The following STAT5B variants were observed in gnomAD, a reference collection of about 807,000 sequenced individuals.
The protein encoded by STAT5B is signal transducer and activator of transcription 5B, also known as transcription factor STAT5B.
A neutral mutation model predicts 107.8 loss-of-function variants in STAT5B; 21 were observed. The observed-to-expected ratio is 0.19, with a 90% CI of 0.14 to 0.28. The LOEUF (loss-of-function observed/expected upper bound fraction) is 0.28, where lower values mean the gene tolerates loss of function less well. Among genes scored for constraint, STAT5B ranks in the 10% least tolerant of loss-of-function variants. The pLI, the probability that STAT5B is intolerant of heterozygous loss-of-function variation, is 1.00. For synonymous variants in STAT5B, 325 were observed against 401.7 expected, an observed-to-expected ratio of 0.81 and a Z score of 2.28; for missense variants, 565 against 1,008.2, an observed-to-expected ratio of 0.56 and a Z score of 5.95.
At chr17:42,244,161 C>T (rs1230282118) in intron 1 of STAT5B, among the ~76,000 whole-genome samples, 2 of 150,990 alleles carry the variant, frequency 1.3e-5, no homozygotes, top group Non-Finnish European at 2.9e-5. Context: ...AATCACTGCT[C>T]ACTGCAGTCT....
At chr17:42,278,684 T>C (rs192246671), upstream of STAT5B, among the ~76,000 whole-genome samples, 130 of 152,108 alleles carry the variant, frequency 8.5e-4, 1 homozygote, top group African/African-American at 2.8e-3. Context: ...GATTAATTTT[T>C]TAAAATTATT....
At chr17:42,244,097 T>C (rs1437151497) in intron 1 of STAT5B, among the ~76,000 whole-genome samples, 4 of 151,404 alleles carry the variant, frequency 2.6e-5, no homozygotes. Context: ...CTTTTCTTTT[T>C]TTTTTTTTGA....
chr17:42,273,813 TACAG>T (rs1444968780), intron 1 of STAT5B, among the ~76,000 whole-genome samples: 2 of 152,074 alleles, frequency 1.3e-5, no homozygotes, highest in African/African-American at 4.8e-5. Flanking sequence ...TAACAAAAAT[TACAG>T]ACAATTTGAA....
rs557249116 is a variant in STAT5B, at chr17:42,251,947, C to T, written c.-10-19810G>A. Among the ~76,000 whole-genome samples the T allele has an allele frequency of 8.6e-4, 127 of 147,286 alleles. 3 individuals are homozygous for T. In the South Asian group the frequency reaches 0.022, roughly 26 times the overall value. ...CCAGGAGGTGGAGGTTGCAGTGAGC[C>T]GAGATCGTGCCACTGCATTCCAGCC... On this transcript the variant is annotated intron_variant, in intron 1 of 18. Transcript: ENST00000293328.
the STAT5B span, among the ~76,000 whole-genome samples, chr17:42,286,375 C>T: frequency 3.9e-5 from 6 of 152,166 alleles, no homozygotes; most frequent in East Asian, 9.7e-4. Context: ...GTGGGAGGCA[C>T]GGGAGGGCTC....
At chr17:42,276,526 C>T (rs1259742699), upstream of STAT5B, 2 of 151,266 alleles carry the variant, frequency 1.3e-5, no homozygotes, top group Non-Finnish European at 3.0e-5. The surrounding 1 kb of genome is among the most constrained non-coding windows in gnomAD (Gnocchi z 4.8). Flanking sequence ...AGCCCGCTGT[C>T]CCTCGCGCCC....
intron 1 of STAT5B, among the ~76,000 whole-genome samples, chr17:42,247,864 A>G (rs1486434033): frequency 6.6e-6 from 1 of 151,426 alleles, no homozygotes; most frequent in Non-Finnish European, 1.5e-5. Context: ...GAGGTGGGAG[A>G]ATCACTTGAG....
intron 9 of STAT5B, 67 bp from the exon 10 acceptor site, chr17:42,217,531 A>G: frequency 6.3e-7 from 1 of 1,575,062 alleles, no homozygotes; most frequent in South Asian, 1.1e-5. Context: ...AGTAAATAAT[A>G]TAATTTGGGG....
Position 42,207,817 on chromosome 17 carries a change from G to A in STAT5B, c.1907-89C>T. The A allele has an allele frequency of 5.7e-6, 8 of 1,414,016 alleles. No homozygotes were observed. The South Asian group carries it at 8.5e-5, about 15-fold the overall frequency. The allele number at this position is 1,414,016 out of a possible 1,614,324, so 87.6% of individuals were successfully genotyped here. Reference sequence around the variant, plus strand: ...CCCAACATACTATAAATTCAAGCTTGCCATTATAATGGCTCCAATAGAAAT... The same window carrying A: ...CCCAACATACTATAAATTCAAGCTTACCATTATAATGGCTCCAATAGAAAT... On this transcript the variant is annotated intron_variant, in intron 15 of 18. Transcript: ENST00000293328.
Position 42,207,581 on chromosome 17 carries a change from G to A in STAT5B, c.2054C>T (p.Pro685Leu). 1 of 1,613,802 alleles carries A rather than the reference G, an allele frequency of 6.2e-7. No individual in the cohort carries two copies. The highest frequency in any genetic ancestry group is 8.5e-7 in the Non-Finnish European group (1 of 1,179,994). The change falls in exon 16 of 19, where the codon CCA becomes CTA. Residue 685 changes from proline to leucine, a missense_variant. Transcript: ENST00000293328. The part of the protein sequence containing the change: ...KDEVYSKYYT[P>L]VPCESATAKA... ...ACCAGTAGCAGACTCGCAGGGAACT[G>A]GTGTGTAGTATTTGGAGTATACTTC...
intron 1 of STAT5B, among the ~76,000 whole-genome samples, chr17:42,235,831 A>G (rs1252956152): frequency 1.3e-5 from 2 of 152,180 alleles, no homozygotes; most frequent in Non-Finnish European, 2.9e-5. Context: ...TGGCTTGCCT[A>G]TGGAAAGTGG....
chr17:42,248,000 A>C (rs2080466213), intron 1 of STAT5B, among the ~76,000 whole-genome samples: 1 of 151,950 alleles, frequency 6.6e-6, no homozygotes, highest in Non-Finnish European at 1.5e-5. Flanking sequence ...ATTCTGGGCC[A>C]GGCACAGTGG....
intron 16 of STAT5B, among the ~76,000 whole-genome samples, chr17:42,204,042 A>C (rs2080067330): frequency 6.6e-6 from 1 of 152,036 alleles, no homozygotes; most frequent in Admixed American, 6.6e-5. Flanking sequence ...TCTAACTCTG[A>C]GTGTCTAGTC....
intron 1 of STAT5B, chr17:42,270,633 A>C (rs1490624597): frequency 6.6e-6 from 1 of 152,246 alleles, no homozygotes; most frequent in Non-Finnish European, 1.5e-5. Context: ...ACATATAAAA[A>C]TATTTTCTAT....
At position 42,210,150 on chromosome 17, in the gene STAT5B, TAAG is replaced by T. The variant is rs1263209776; in HGVS notation, c.1906+18_1906+20del. 3.7e-6 allele frequency: 6 copies of T among 1,614,034 alleles called. No homozygotes were observed. The East Asian group carries it at 8.9e-5, about 24-fold the overall frequency. ...TAACGAAAGCAGCTAACTTTGGACA[TAAG>T]AAGGGAGGGGCACTCACGAGAATCA... is the stretch of plus-strand genomic sequence containing the variant. On this transcript the variant is annotated intron_variant, in intron 15 of 18. Transcript: ENST00000293328.
intron 1 of STAT5B, among the ~76,000 whole-genome samples, chr17:42,267,347 C>G (rs747492787): frequency 1.2e-4 from 19 of 152,230 alleles, no homozygotes; most frequent in African/African-American, 4.6e-4. Flanking sequence ...ATTGTTATCA[C>G]AAGAGATGAC....
rs929738767 is a variant in STAT5B at position 42,224,666 on chromosome 17, T to C, written c.375+113A>G. On this transcript the variant is annotated intron_variant, in intron 4 of 18. Transcript: ENST00000293328. The stretch of plus-strand genomic sequence containing the variant: ...TTGTGCCCCTTAGGATGAAGCTCTC[T>C]TTAAAGAGACACCAATAGTGCACCC... The C allele has an allele frequency of 3.8e-6, 4 of 1,049,736 alleles. No individual in the cohort carries two copies. The African/African-American group carries it at 4.8e-5, about 12-fold the overall frequency. 65.0% of individuals were successfully genotyped at this position (1,049,736 alleles called of 1,614,324 possible).
intron 15 of STAT5B, among the ~76,000 whole-genome samples, chr17:42,208,042 G>A (rs535683526): frequency 2.0e-5 from 3 of 152,144 alleles, no homozygotes; most frequent in South Asian, 2.1e-4. Flanking sequence ...TTACAGGCAC[G>A]CGCCACCACA....
intron 1 of STAT5B, among the ~76,000 whole-genome samples, chr17:42,267,556 AAAAGAG>A (rs1330571251): frequency 2.6e-5 from 4 of 152,238 alleles, no homozygotes; most frequent in African/African-American, 9.6e-5. Flanking sequence ...AAATTATTTA[AAAAGAG>A]AAAAAGTAAA....
Sources: allele counts gnomAD v4.1 joint callset (sites outside exome capture counted in the v4.1 genomes callset), GRCh38; gene constraint gnomAD v4.1.1; non-coding constraint Gnocchi (gnomAD v3.1); transcripts MANE v1.5; gene names NCBI Gene and HGNC (gene_info 2026-07-23, HGNC 2026-07-21).